Variants in MAST2 observed in about 807,000 individuals in gnomAD.
MAST2 encodes the protein microtubule-associated serine/threonine-protein kinase 2.
MAST2 carries 70 observed loss-of-function variants against 147.4 expected under a neutral mutation model. The ratio of observed to expected loss-of-function variants is 0.47; its 90% confidence interval spans 0.39 to 0.58. MAST2 has a LOEUF of 0.58. Ranked by LOEUF, MAST2 falls within the 20% of genes least tolerant of loss-of-function variation. The pLI is 0.00. For missense variants in MAST2, 2,080 were observed against 2,302.3 expected (o/e 0.90, Z 1.98); for synonymous variants, 869 against 896.8 (o/e 0.97, Z 0.55).
In MAST2 at chr1:46,032,728, G is replaced by A. The variant is rs906608351; in HGVS notation, c.3537+10G>A. ...AGAGCTGATCCTGAAGGTTAGTGCT[G>A]GGCGTGCTGCCTGCATGGTCCCTGA... On this transcript the variant is annotated intron_variant, in intron 26 of 28. Coordinates refer to ENST00000361297, the MANE Select transcript of MAST2 (RefSeq NM_015112.3). 1.2e-5 allele frequency: 20 copies of A among 1,610,088 alleles called. No individual in the cohort carries two copies. Among genetic ancestry groups the A allele is most frequent in the Non-Finnish European group, 1.4e-5 (17 of 1,177,466 alleles).
At chr1:45,838,784 T>G (rs1253481520) in intron 3 of MAST2, among the ~76,000 whole-genome samples, 1 of 151,150 alleles carries the variant, frequency 6.6e-6, no homozygotes, top group African/African-American at 2.4e-5. Context: ...AATGAGTAAT[T>G]AGAAATCAAA....
intron 4 of MAST2, among the ~76,000 whole-genome samples, chr1:45,900,813 G>A (rs1649644391): frequency 6.6e-6 from 1 of 152,136 alleles, no homozygotes; most frequent in South Asian, 2.1e-4. Context: ...GTCTTCTTTT[G>A]TGTCTGTTCG....
chr1:45,838,437 C>G (rs1173340416), intron 3 of MAST2, among the ~76,000 whole-genome samples: 2 of 148,638 alleles, frequency 1.3e-5, no homozygotes, highest in Non-Finnish European at 3.0e-5. Flanking sequence ...TGGCCAGGCT[C>G]TTCTTGAACT....
chr1:46,029,294 C>A, intron 18 of MAST2, 172 bp from the exon 19 acceptor site: 1 of 577,468 alleles, frequency 1.7e-6, no homozygotes. Context: ...AAAGATCAAG[C>A]TATGGTCTAG....
intron 26 of MAST2, 72 bp from the exon 27 acceptor site, chr1:46,033,730 G>A: frequency 1.9e-6 from 3 of 1,576,542 alleles, no homozygotes; most frequent in Non-Finnish European, 2.6e-6. Flanking sequence ...ATGCCAGAAG[G>A]GAAGGATTGG....
At chr1:45,963,270 C>T (rs1660699145) in intron 5 of MAST2, among the ~76,000 whole-genome samples, 1 of 152,116 alleles carries the variant, frequency 6.6e-6, no homozygotes, top group South Asian at 2.1e-4. Context: ...TCCATATGAA[C>T]TTTAAAGTAG....
chr1:46,031,563 C>T lies in MAST2; in HGVS notation c.3165C>T (p.Ala1055=). The change falls in exon 24 of 29, where the codon GCC becomes GCT. Residue 1055 remains alanine (A), a synonymous_variant. Coordinates refer to ENST00000361297, the MANE Select transcript of MAST2 (RefSeq NM_015112.3). This position sits in a 1 kb window ranked among gnomAD's most constrained non-coding sequence, Gnocchi z 4.1. ...TGATCAAGTCCGCCTCAGCCACAGC[C>T]CTCTCACTCCTCATTCCTTCGGGTG... ...NKVIKSASAT[A]LSLLIPSEHH... The T allele has an allele frequency of 6.2e-7, 1 of 1,613,362 alleles. No individual in the cohort carries two copies. The highest frequency in any genetic ancestry group is 8.5e-7 in the Non-Finnish European group (1 of 1,179,352).
intron 4 of MAST2, among the ~76,000 whole-genome samples, chr1:45,928,109 A>G (rs375484557): frequency 2.6e-5 from 4 of 152,222 alleles, no homozygotes; most frequent in African/African-American, 7.2e-5. Context: ...TCAAAAGTAG[A>G]AAGACTCATA....
chr1:45,963,663 T>G (rs1329758517), intron 5 of MAST2, among the ~76,000 whole-genome samples: 1 of 152,202 alleles, frequency 6.6e-6, no homozygotes, highest in Non-Finnish European at 1.5e-5. Flanking sequence ...GATTTTGGGC[T>G]GAGACAATGG....
intron 3 of MAST2, among the ~76,000 whole-genome samples, chr1:45,872,482 GTTTT>G (rs796554757): frequency 7.1e-6 from 1 of 140,712 alleles, no homozygotes; most frequent in Admixed American, 7.2e-5. Context: ...CCATTTCGTG[GTTTT>G]TTTTTTTTTT....
At chr1:46,012,942 C>T (rs1645775477) in intron 10 of MAST2, among the ~76,000 whole-genome samples, 1 of 152,008 alleles carries the variant, frequency 6.6e-6, no homozygotes, top group Non-Finnish European at 1.5e-5. Context: ...TGAGCTGCTA[C>T]AAATGACCAG....
intron 4 of MAST2, among the ~76,000 whole-genome samples, chr1:45,933,629 C>T (rs912876503): frequency 1.5e-4 from 23 of 151,528 alleles, no homozygotes; most frequent in Admixed American, 5.9e-4. Context: ...TGGTGGGCAC[C>T]TGTAATCCCA....
intron 4 of MAST2, among the ~76,000 whole-genome samples, chr1:45,894,091 C>T (rs1648315827): frequency 6.6e-6 from 1 of 151,934 alleles, no homozygotes; most frequent in African/African-American, 2.4e-5. Context: ...TAGCGCACAC[C>T]TGTGGTCCCA....
At chr1:45,979,029 T>TA (rs1644291228) in intron 5 of MAST2, among the ~76,000 whole-genome samples, 1 of 151,868 alleles carries the variant, frequency 6.6e-6, no homozygotes, top group Non-Finnish European at 1.5e-5. Context: ...ATCTCACTTT[T>TA]AAAATTGTAT....
intron 1 of MAST2, among the ~76,000 whole-genome samples, chr1:45,811,135 G>A (rs1230967332): frequency 6.7e-6 from 1 of 149,942 alleles, no homozygotes; most frequent in East Asian, 2.0e-4. Flanking sequence ...ACAGGCGTGG[G>A]CCACCGTGCC....
At chr1:45,899,819 G>A (rs1649433549) in intron 4 of MAST2, among the ~76,000 whole-genome samples, 1 of 151,398 alleles carries the variant, frequency 6.6e-6, no homozygotes, top group East Asian at 1.9e-4. Context: ...TATGTCATCA[G>A]GCCCAAGGGG....
rs1015274066 is a variant in MAST2 at position 46,023,422 on chromosome 1, G to A, written c.1571+104G>A. 1.9e-6 allele frequency: 2 copies of A among 1,071,832 alleles called. No individual in the cohort carries two copies. The highest frequency in any genetic ancestry group is 2.8e-6 in the Non-Finnish European group (2 of 702,764). The allele number at this position is 1,071,832 out of a possible 1,614,324, so 66.4% of individuals were successfully genotyped here. A position where few individuals can be genotyped will look rare whatever the true frequency, so the allele number is the denominator to read the frequency against. The stretch of plus-strand genomic sequence containing the variant: ...CCCAGTCCTCTGGGCAGATGCCTCG[G>A]GGTGGACCTTCTCACTCCCAGAAGC... On this transcript the variant is annotated intron_variant, in intron 14 of 28. Coordinates refer to ENST00000361297, the MANE Select transcript of MAST2 (RefSeq NM_015112.3). This position sits in a 1 kb window ranked among gnomAD's most constrained non-coding sequence, Gnocchi z 4.9.
chr1:45,963,619 C>G (rs1052446220), intron 5 of MAST2, among the ~76,000 whole-genome samples: 7 of 152,150 alleles, frequency 4.6e-5, no homozygotes, highest in Non-Finnish European at 7.3e-5. Flanking sequence ...ATTTTGTTTC[C>G]TGAGACTGCT....
At chr1:45,909,487 A>G (rs1651316977) in intron 4 of MAST2, among the ~76,000 whole-genome samples, 1 of 151,950 alleles carries the variant, frequency 6.6e-6, no homozygotes, top group African/African-American at 2.4e-5. Flanking sequence ...TGCTTTTAAG[A>G]ACAATCACAC....
Sources: gnomAD v4.1 joint callset for allele counts (sites outside exome capture counted in the v4.1 genomes callset) on GRCh38, gnomAD v4.1.1 for gene constraint, Gnocchi (gnomAD v3.1) non-coding constraint, MANE v1.5 for transcripts, NCBI Gene and HGNC (gene_info 2026-07-23, HGNC 2026-07-21) for gene names.